NDRG1: variants seen among roughly 807,000 people sequenced by gnomAD.
NDRG1 encodes the protein protein NDRG1.
Under a neutral mutation model 56.9 loss-of-function variants are expected in NDRG1, and 32 were observed. The ratio of observed to expected loss-of-function variants is 0.56; its 90% CI spans 0.42 to 0.76. The LOEUF (loss-of-function observed/expected upper bound fraction) is 0.76, where lower values mean the gene tolerates loss of function less well. NDRG1 is among the 30% of genes least tolerant of loss of function. The pLI, the probability that NDRG1 is intolerant of heterozygous loss-of-function variation, is 0.00. For synonymous variants in NDRG1, 211 were observed against 204.1 expected (o/e 1.03, Z -0.29); for missense variants, 507 against 545.7 (o/e 0.93, Z 0.71).
chr8:133,259,032 C>T (rs919886985), intron 6 of NDRG1, 136 bp downstream of exon 6: 31 of 853,138 alleles, frequency 3.6e-5, no homozygotes, highest in South Asian at 2.1e-4. Context: ...CACAGAGTGA[C>T]GAGCTAATTT....
chr8:133,284,877 G>A (rs1360933144), intron 1 of NDRG1: 1 of 456,090 alleles, frequency 2.2e-6, no homozygotes, highest in Non-Finnish European at 4.4e-6. Context: ...ACCCCACGGT[G>A]CAGGACTCTC....
chr8:133,248,664 T>C lies in NDRG1; in HGVS notation c.755+51A>G, dbSNP rs757241761. On this transcript the variant is annotated intron_variant, in intron 11 of 15. Coordinates refer to ENST00000323851, the MANE Select transcript of NDRG1 (RefSeq NM_006096.4). ...AAGGCCCTGCCAGCAAGGCCACCTT[T>C]ATAGTGGGCAGCCCCGACTGCAAGT... The C allele has an allele frequency of 4.4e-6, 7 of 1,608,352 alleles. No homozygotes were observed. The Admixed American group carries it at 1.2e-4, about 27-fold the overall frequency.
At chr8:133,264,415 C>T in intron 4 of NDRG1, 132 bp downstream of exon 4, 1 of 809,490 alleles carries the variant, frequency 1.2e-6, no homozygotes, top group Non-Finnish European at 2.1e-6. Flanking sequence ...AAGAGTTCTT[C>T]CCAGAACAGC....
At chr8:133,276,806 G>T (rs1857479357) in intron 3 of NDRG1, among the ~76,000 whole-genome samples, 1 of 152,160 alleles carries the variant, frequency 6.6e-6, no homozygotes, top group African/African-American at 2.4e-5. Flanking sequence ...GCTTGAGAAT[G>T]GACTGATACC....
intron 2 of NDRG1, among the ~76,000 whole-genome samples, chr8:133,281,240 C>T (rs1487872187): frequency 6.6e-6 from 1 of 151,980 alleles, no homozygotes; most frequent in Non-Finnish European, 1.5e-5. Flanking sequence ...GCCTGTAATC[C>T]CAGCTACTCG....
intron 2 of NDRG1, among the ~76,000 whole-genome samples, chr8:133,283,699 T>A (rs1857939824): frequency 6.6e-6 from 1 of 152,232 alleles, no homozygotes; most frequent in African/African-American, 2.4e-5. Context: ...GTCACCATTT[T>A]ACAGATGAAG....
rs750995623 is a variant in NDRG1, at chr8:133,264,668, AGACAGTG to A, written c.100-23_100-17del. 1.9e-6 allele frequency: 3 copies of A among 1,609,210 alleles called. No individual in the cohort carries two copies. The South Asian group carries it at 3.3e-5, about 18-fold the overall frequency. On this transcript the variant is annotated splice_polypyrimidine_tract_variant and intron_variant, in intron 3 of 15. Transcript: ENST00000323851. ...TGTCCTGCTCCTGAGGAGACACAGC[AGACAGTG>A]GGCTGGTCATGTGGGGTTCATGGCA...
At chr8:133,248,005 GC>G (rs1208652410) in intron 11 of NDRG1, 79 bp from the exon 12 acceptor site, 6 of 1,367,996 alleles carry the variant, frequency 4.4e-6, no homozygotes, top group Non-Finnish European at 6.3e-6. Context: ...CCAGGCTGGG[GC>G]CTGCATTCTA....
intron 1 of NDRG1, among the ~76,000 whole-genome samples, chr8:133,293,970 A>G (rs1184031241): frequency 2.0e-5 from 3 of 152,198 alleles, no homozygotes; most frequent in Non-Finnish European, 4.4e-5. Flanking sequence ...TGCCTTGAGA[A>G]TGTCTTCTGC....
intron 1 of NDRG1, among the ~76,000 whole-genome samples, chr8:133,288,008 AACTTTCATTCTCAC>A (rs1377542326): frequency 6.6e-6 from 1 of 151,976 alleles, no homozygotes; most frequent in Non-Finnish European, 1.5e-5. Flanking sequence ...CACACTTGCA[AACTTTCATTCTCAC>A]ACTCAGACAT....
In NDRG1 at chr8:133,291,549, ACTGT is replaced by A. The variant is rs1858430076; in HGVS notation, c.-19+5581_-19+5584del. 2.0e-5 allele frequency among the ~76,000 whole-genome samples: 3 copies of A among 152,162 alleles called. No individual in the cohort carries two copies. The South Asian group carries it at 6.2e-4, about 32-fold the overall frequency. Reference sequence around the variant, plus strand: ...GTGAGGAAGTTGGCAGTCTTCACGAACTGTCTTTCTTAACTAATCAACTCAGCAA... The same window carrying A: ...GTGAGGAAGTTGGCAGTCTTCACGAACTTTCTTAACTAATCAACTCAGCAA... On this transcript the variant is annotated intron_variant, in intron 1 of 15. Coordinates refer to ENST00000323851, the MANE Select transcript of NDRG1 (RefSeq NM_006096.4).
intron 1 of NDRG1, among the ~76,000 whole-genome samples, chr8:133,295,737 T>C (rs1858714967): frequency 6.6e-6 from 1 of 152,204 alleles, no homozygotes; most frequent in African/African-American, 2.4e-5. Context: ...TTGAGGCAGC[T>C]TAGGAGAAGG....
At chr8:133,255,093 G>A (rs1856295846) in intron 8 of NDRG1, 1 of 337,874 alleles carries the variant, frequency 3.0e-6, no homozygotes, top group Non-Finnish European at 5.9e-6. Context: ...CCTCTCCCCA[G>A]TGACTAGGTT....
intron 9 of NDRG1, 108 bp downstream of exon 9, chr8:133,254,431 C>T: frequency 1.8e-6 from 2 of 1,113,044 alleles, no homozygotes; most frequent in South Asian, 1.4e-5. Flanking sequence ...CGGTGGCCCC[C>T]AGTTGATTGT....
intron 4 of NDRG1, 73 bp from the exon 5 acceptor site, chr8:133,262,240 G>A: frequency 1.3e-6 from 2 of 1,546,474 alleles, no homozygotes; most frequent in Non-Finnish European, 1.8e-6. Context: ...CGGTGGCAAA[G>A]CACATTCATT....
Position 133,289,495 on chromosome 8 carries a change from G to A in NDRG1, c.-18-5166C>T, listed in dbSNP as rs188832937. ...GGTTTCTGATTATCAGGCCCAGTGC[G>A]TCACCACTGGGGCCCTTCTCTCCAC... On this transcript the variant is annotated intron_variant, in intron 1 of 15. Coordinates refer to ENST00000323851, the MANE Select transcript of NDRG1 (RefSeq NM_006096.4). Among the ~76,000 whole-genome samples, 136 of 152,186 alleles carry A rather than the reference G, an allele frequency of 8.9e-4. 1 individual carries two copies. Among genetic ancestry groups the A allele is most frequent in the African/African-American group, 3.1e-3 (129 of 41,524 alleles).
At chr8:133,284,840 C>A (rs1284720725) in intron 1 of NDRG1, 1 of 456,810 alleles carries the variant, frequency 2.2e-6, no homozygotes, top group Admixed American at 2.3e-5. Flanking sequence ...CACACAGGCA[C>A]ACGCATGCGC....
At chr8:133,239,300 G>T in intron 15 of NDRG1, 181 bp from the exon 16 acceptor site, 1 of 998,086 alleles carries the variant, frequency 1.0e-6, no homozygotes, top group Non-Finnish European at 1.5e-6. Context: ...GAGATGGCAA[G>T]GCCCAGATGC....
rs575492532 is a variant in NDRG1, at chr8:133,294,909, C to A, written c.-19+2225G>T. On this transcript the variant is annotated intron_variant, in intron 1 of 15. Transcript: ENST00000323851. ...AAAATCCTGCCAGGAACCCTTTCCACTGCCTTCAGTCCCACCCAGGAGCCT... is the reference window on the plus strand; with the variant it reads ...AAAATCCTGCCAGGAACCCTTTCCAATGCCTTCAGTCCCACCCAGGAGCCT... 2.6e-4 allele frequency among the ~76,000 whole-genome samples: 39 copies of A among 152,362 alleles called. 3 individuals are homozygous for A. The South Asian group carries it at 7.9e-3, about 31-fold the overall frequency.
Sources: gnomAD v4.1 joint callset for allele counts (sites outside exome capture counted in the v4.1 genomes callset) on GRCh38, gnomAD v4.1.1 for gene constraint, MANE v1.5 for transcripts, NCBI Gene and HGNC (gene_info 2026-07-23, HGNC 2026-07-21) for gene names.